The following RGS6 variants were observed in gnomAD, a reference collection of about 807,000 sequenced individuals.
RGS6 encodes the protein regulator of G-protein signaling 6.
A neutral mutation model predicts 78.5 loss-of-function variants in RGS6; 30 were observed. The observed-to-expected ratio is 0.38, with a 90% CI of 0.29 to 0.52. The LOEUF (loss-of-function observed/expected upper bound fraction) is 0.52. RGS6 is among the 20% of genes least tolerant of loss of function. RGS6 has a pLI of 0.85. For missense variants in RGS6, 495 were observed against 609.7 expected (o/e 0.81, Z 1.98); for synonymous variants, 206 against 206.0 (o/e 1.00, Z 0.00).
chr14:72,122,673 T>C (rs2096078298), intron 2 of RGS6, among the ~76,000 whole-genome samples: 1 of 151,970 alleles, frequency 6.6e-6, no homozygotes, highest in African/African-American at 2.4e-5. Context: ...ATGTTTGTTA[T>C]ACGCTGTCAT....
chr14:72,458,725 G>A (rs542952307), intron 5 of RGS6, among the ~76,000 whole-genome samples: 3 of 152,326 alleles, frequency 2.0e-5, no homozygotes, highest in South Asian at 4.1e-4. Context: ...CAGATTCGGT[G>A]TCTGGTGAGG....
rs1200171119 is a variant in RGS6 at position 71,980,478 on chromosome 14, A to G, written c.84+15603A>G. 3.7e-5 allele frequency among the ~76,000 whole-genome samples: 5 copies of G among 133,496 alleles called. No individual in the cohort carries two copies. The East Asian group carries it at 1.1e-3, about 30-fold the overall frequency. The allele number at this position is 133,496 out of a possible 152,430, so 87.6% of individuals were successfully genotyped here. On this transcript the variant is annotated intron_variant, in intron 2 of 17. Coordinates refer to ENST00000553525, the MANE Select transcript of RGS6 (RefSeq NM_001204424.2). ...CCTGGTGGTGACAAAATCTCTCAGC[A>G]TTTGCTTGTCTGTAAAGTATTTTAT... is the stretch of plus-strand genomic sequence containing the variant.
chr14:71,953,831 G>A (rs1187895126), intron 1 of RGS6, among the ~76,000 whole-genome samples: 1 of 151,960 alleles, frequency 6.6e-6, no homozygotes, highest in Non-Finnish European at 1.5e-5. Context: ...TCCTCTGCCT[G>A]AAGAACTTCT....
chr14:72,395,753 A>G (rs911284950), intron 3 of RGS6, among the ~76,000 whole-genome samples: 12 of 151,988 alleles, frequency 7.9e-5, no homozygotes, highest in East Asian at 1.9e-4. Flanking sequence ...TCATTGTTCA[A>G]TTCCCACCTA....
intron 17 of RGS6, chr14:72,540,745 G>A: frequency 2.3e-6 from 3 of 1,279,056 alleles, no homozygotes; most frequent in South Asian, 2.6e-5. Context: ...GCGGTGTCCT[G>A]GGTACTCCCC....
At chr14:72,032,028 C>T (rs567550109) in intron 2 of RGS6, among the ~76,000 whole-genome samples, 1 of 152,234 alleles carries the variant, frequency 6.6e-6, no homozygotes, top group South Asian at 2.1e-4. Flanking sequence ...TAGATTAAGT[C>T]TCCTGTTGTA....
chr14:72,234,174 T>A (rs2050389298), intron 2 of RGS6, among the ~76,000 whole-genome samples: 1 of 151,940 alleles, frequency 6.6e-6, no homozygotes, highest in African/African-American at 2.4e-5. Flanking sequence ...TCATTCCGTT[T>A]TGCTTGTTGA....
upstream of RGS6, among the ~76,000 whole-genome samples, chr14:71,929,937 C>T (rs1469016786): frequency 6.6e-6 from 1 of 152,140 alleles, no homozygotes. Context: ...GACATGTCTC[C>T]ATAATTCTTT....
chr14:72,119,068 A>G (rs187603901), intron 2 of RGS6, among the ~76,000 whole-genome samples: 317 of 152,154 alleles, frequency 2.1e-3, no homozygotes, highest in African/African-American at 6.8e-3. Flanking sequence ...AAGTTGGAGG[A>G]TATATGGTTG....
In RGS6 at chr14:72,463,365, C is replaced by T. The variant is rs578223849; in HGVS notation, c.395-2393C>T. ...TAGTGAGGGCACTCTGGGATGCAGA[C>T]AAGCCCCAGGGAGTTCTGTGCCAAG... On this transcript the variant is annotated intron_variant, in intron 6 of 17. Coordinates refer to ENST00000553525, the MANE Select transcript of RGS6 (RefSeq NM_001204424.2). Among the ~76,000 whole-genome samples the T allele has an allele frequency of 1.1e-4, 16 of 152,308 alleles. No individual in the cohort carries two copies. The South Asian group carries it at 3.1e-3, about 30-fold the overall frequency.
rs140528606 is a variant in RGS6 at position 72,120,853 on chromosome 14, C to G, written c.84+155978C>G. The stretch of plus-strand genomic sequence containing the variant: ...CTTTCTGGGATGTTGGAAATCTTCT[C>G]TATCTTATTTTGCGGGATGGTTACA... On this transcript the variant is annotated intron_variant, in intron 2 of 17. Coordinates refer to ENST00000553525, the MANE Select transcript of RGS6 (RefSeq NM_001204424.2). Among the ~76,000 whole-genome samples, 527 of 152,304 alleles carry G rather than the reference C, an allele frequency of 3.5e-3. 2 individuals are homozygous for G. The highest frequency in any genetic ancestry group is 0.012 in the African/African-American group (509 of 41,560).
intron 2 of RGS6, among the ~76,000 whole-genome samples, chr14:72,310,967 T>A (rs2068473926): frequency 6.6e-6 from 1 of 152,226 alleles, no homozygotes; most frequent in Admixed American, 6.5e-5. Context: ...CAGGTATTCA[T>A]CTTGTCAGAA....
At chr14:71,981,293 C>T (rs866876450) in intron 2 of RGS6, among the ~76,000 whole-genome samples, 12 of 152,284 alleles carry the variant, frequency 7.9e-5, no homozygotes, top group Middle Eastern at 6.8e-3. Flanking sequence ...AGCTTTGTTC[C>T]GTTGCTGGTG....
At chr14:72,615,942 C>T in the RGS6 span, among the ~76,000 whole-genome samples, 3 of 152,236 alleles carry the variant, frequency 2.0e-5, no homozygotes, top group Non-Finnish European at 4.4e-5. Flanking sequence ...GCTGGAGCCA[C>T]AGTACAGAGG....
intron 2 of RGS6, among the ~76,000 whole-genome samples, chr14:72,186,804 A>G (rs942030181): frequency 3.9e-5 from 6 of 152,148 alleles, no homozygotes; most frequent in Non-Finnish European, 7.3e-5. Flanking sequence ...TGCCGAATAC[A>G]TGTGTCCCAG....
intron 2 of RGS6, among the ~76,000 whole-genome samples, chr14:72,285,030 G>C (rs113222637): frequency 2.0e-5 from 3 of 152,128 alleles, no homozygotes; most frequent in African/African-American, 7.2e-5. Flanking sequence ...TCTATCCAAC[G>C]CCTGTACCCC....
At chr14:71,954,616 A>G (rs1374429296) in intron 1 of RGS6, among the ~76,000 whole-genome samples, 4 of 152,132 alleles carry the variant, frequency 2.6e-5, no homozygotes, top group Admixed American at 6.6e-5. Context: ...AAAATGTACA[A>G]TTGAGTTGTT....
At chr14:72,376,691 G>GA (rs1566665554) in intron 3 of RGS6, among the ~76,000 whole-genome samples, 1 of 151,690 alleles carries the variant, frequency 6.6e-6, no homozygotes, top group Non-Finnish European at 1.5e-5. Context: ...AGTAGTGAAA[G>GA]AAAAAAAATA....
At chr14:72,536,060 A>G (rs2097247608) in intron 15 of RGS6, 126 bp from the exon 16 acceptor site, 1 of 706,006 alleles carries the variant, frequency 1.4e-6, no homozygotes, top group Admixed American at 2.0e-5. Flanking sequence ...AAGTTTTTCT[A>G]GGTACATGCA....
Sources: gnomAD v4.1 joint callset for allele counts (sites outside exome capture counted in the v4.1 genomes callset) on GRCh38, gnomAD v4.1.1 for gene constraint, MANE v1.5 for transcripts, NCBI Gene and HGNC (gene_info 2026-07-23, HGNC 2026-07-21) for gene names.